MYRIP: variants seen among roughly 807,000 people sequenced by gnomAD.
The protein encoded by MYRIP is rab effector MyRIP.
A neutral mutation model predicts 98.0 loss-of-function variants in MYRIP; 49 were observed. The observed-to-expected ratio is 0.50, with a 90% CI of 0.40 to 0.63. MYRIP has a LOEUF of 0.63. Ranked by LOEUF, MYRIP falls within the 30% of genes least tolerant of loss-of-function variation. The pLI is 0.00. For missense variants in MYRIP, 1,004 were observed against 1,058.2 expected, an observed-to-expected ratio of 0.95 and a Z score of 0.71; for synonymous variants, 404 against 409.5, an observed-to-expected ratio of 0.99 and a Z score of 0.16.
chr3:39,893,962 C>T (rs1424181891), intron 1 of MYRIP, among the ~76,000 whole-genome samples: 1 of 151,814 alleles, frequency 6.6e-6, no homozygotes, highest in Non-Finnish European at 1.5e-5. Context: ...TCATATATAT[C>T]CTTGATAATT....
At chr3:40,236,947 G>A (rs1952843140) in intron 12 of MYRIP, among the ~76,000 whole-genome samples, 1 of 152,038 alleles carries the variant, frequency 6.6e-6, no homozygotes, top group Non-Finnish European at 1.5e-5. Flanking sequence ...CCACAGGGCT[G>A]GGATTACAGA....
At chr3:40,122,709 C>T (rs1245151777) in intron 3 of MYRIP, among the ~76,000 whole-genome samples, 1 of 151,706 alleles carries the variant, frequency 6.6e-6, no homozygotes, top group Non-Finnish European at 1.5e-5. Context: ...ATTTTATAGA[C>T]ACATAATAGT....
In MYRIP at chr3:39,809,630, G is replaced by T. The variant is rs1368507467; in HGVS notation, c.-317G>T. On this transcript the variant is annotated 5_prime_UTR_variant, in exon 1 of 17. Coordinates refer to ENST00000302541, the MANE Select transcript of MYRIP (RefSeq NM_015460.4). ...GGCCAGGCTGGCCCTGGCTGCCTGC[G>T]GCGCGGGCGCCTCCCTCGCAGCCGC... 3 of 151,736 alleles carry T rather than the reference G, an allele frequency of 2.0e-5. No individual in the cohort carries two copies. The highest frequency in any genetic ancestry group is 2.9e-5 in the Non-Finnish European group (2 of 67,800). 9.4% of individuals were successfully genotyped at this position (151,736 alleles called of 1,614,324 possible). A position where few individuals can be genotyped will look rare whatever the true frequency, so the allele number is the denominator to read the frequency against.
intron 2 of MYRIP, among the ~76,000 whole-genome samples, chr3:39,904,485 C>T (rs1256079330): frequency 2.6e-5 from 4 of 152,156 alleles, no homozygotes; most frequent in Non-Finnish European, 5.9e-5. Context: ...ATCTGCCCAC[C>T]TCGGCCTCCC....
At chr3:40,068,856 G>A (rs990579874) in intron 3 of MYRIP, among the ~76,000 whole-genome samples, 93 of 152,168 alleles carry the variant, frequency 6.1e-4, no homozygotes, top group Admixed American at 5.6e-3. Context: ...GTTGCAGGGC[G>A]GAACATTCAT....
At chr3:40,056,224 C>G (rs1464848190) in intron 3 of MYRIP, among the ~76,000 whole-genome samples, 3 of 152,158 alleles carry the variant, frequency 2.0e-5, no homozygotes, top group Non-Finnish European at 4.4e-5. Flanking sequence ...GGATACTTCC[C>G]TTGCCACCAC....
chr3:40,112,980 A>G (rs1949191785), intron 3 of MYRIP, among the ~76,000 whole-genome samples: 1 of 152,198 alleles, frequency 6.6e-6, no homozygotes, highest in African/African-American at 2.4e-5. Flanking sequence ...CCAGGCTGCT[A>G]TGAATGTGGT....
intron 11 of MYRIP, among the ~76,000 whole-genome samples, chr3:40,230,004 T>C (rs1952604463): frequency 6.6e-6 from 1 of 152,222 alleles, no homozygotes; most frequent in Non-Finnish European, 1.5e-5. Context: ...AATTTGTATT[T>C]CTTTGCTCAC....
intron 13 of MYRIP, among the ~76,000 whole-genome samples, chr3:40,245,913 ATTT>A (rs55637614): frequency 8.6e-6 from 1 of 115,634 alleles, no homozygotes. Flanking sequence ...CACCCAGCTA[ATTT>A]TTTTTTTTTT....
At chr3:39,873,680 T>C (rs202027530) in intron 1 of MYRIP, among the ~76,000 whole-genome samples, 3,654 of 151,946 alleles carry the variant, frequency 0.024, 103 homozygotes, top group East Asian at 0.088. Flanking sequence ...AGGGCTCTGT[T>C]CTGTTCCATT....
chr3:40,074,321 A>G (rs1000205811), intron 3 of MYRIP, among the ~76,000 whole-genome samples: 10 of 152,116 alleles, frequency 6.6e-5, no homozygotes, highest in Non-Finnish European at 1.2e-4. Flanking sequence ...AGATCTGCCC[A>G]CCTTGGCCTC....
At chr3:39,811,447 C>T (rs780152959) in intron 1 of MYRIP, among the ~76,000 whole-genome samples, 1 of 152,214 alleles carries the variant, frequency 6.6e-6, no homozygotes, top group African/African-American at 2.4e-5. Context: ...AATTTTACAG[C>T]AATATCTGGG....
At chr3:40,182,461 C>T in intron 9 of MYRIP, 88 bp downstream of exon 9, 1 of 1,446,918 alleles carries the variant, frequency 6.9e-7, no homozygotes, top group Non-Finnish European at 9.4e-7. Context: ...CCACTCTGCT[C>T]TTCTTCCCAT....
At chr3:40,208,461 G>GTA (rs1553627452) in intron 10 of MYRIP, among the ~76,000 whole-genome samples, 1 of 152,202 alleles carries the variant, frequency 6.6e-6, no homozygotes, top group Non-Finnish European at 1.5e-5. Context: ...CAAGAATAGA[G>GTA]TAAGAGTCAC....
chr3:39,954,880 C>T (rs1945116187), intron 2 of MYRIP, among the ~76,000 whole-genome samples: 1 of 151,986 alleles, frequency 6.6e-6, no homozygotes, highest in African/African-American at 2.4e-5. Context: ...GACAAATGCA[C>T]AAGCTTCAGT....
intron 7 of MYRIP, among the ~76,000 whole-genome samples, chr3:40,168,773 C>G (rs1240245485): frequency 2.6e-5 from 4 of 152,148 alleles, no homozygotes; most frequent in East Asian, 1.9e-4. Context: ...ACTGACTCCC[C>G]CCTCTCATCT....
At chr3:40,044,387 C>A in intron 3 of MYRIP, 116 bp downstream of exon 3, 1 of 993,032 alleles carries the variant, frequency 1.0e-6, no homozygotes, top group Non-Finnish European at 1.5e-6. Flanking sequence ...GAGTATTGAC[C>A]AAAGTAAATA....
chr3:40,157,468 C>T (rs1437523801), intron 4 of MYRIP, among the ~76,000 whole-genome samples: 4 of 147,638 alleles, frequency 2.7e-5, no homozygotes, highest in Admixed American at 6.8e-5. Flanking sequence ...TTTTTGGTTG[C>T]GTCTCTGCCC....
At chr3:39,977,215 C>T (rs551266323) in intron 2 of MYRIP, among the ~76,000 whole-genome samples, 7 of 152,068 alleles carry the variant, frequency 4.6e-5, no homozygotes, top group Admixed American at 6.5e-5. Flanking sequence ...ACACTATAGA[C>T]GTGAGAGAGG....
Sources: gnomAD v4.1 joint callset for allele counts (sites outside exome capture counted in the v4.1 genomes callset) on GRCh38, gnomAD v4.1.1 for gene constraint, MANE v1.5 for transcripts, NCBI Gene and HGNC (gene_info 2026-07-23, HGNC 2026-07-21) for gene names.